The following SOX6 variants were observed in gnomAD, a reference collection of about 807,000 sequenced individuals.
The protein encoded by SOX6 is SRY-box transcription factor 6, also known as transcription factor SOX-6.
Under a neutral mutation model 97.8 loss-of-function variants are expected in SOX6, and 11 were observed. The observed-to-expected ratio is 0.11, with a 90% CI of 0.07 to 0.19. SOX6 has a LOEUF of 0.19. Among genes scored for constraint, SOX6 ranks in the 10% least tolerant of loss-of-function variants. The pLI, the probability that SOX6 is intolerant of heterozygous loss-of-function variation, is 1.00. For missense variants in SOX6, 810 were observed against 1,039.5 expected (o/e 0.78, Z 3.04); for synonymous variants, 360 against 371.4 (o/e 0.97, Z 0.35).
chr11:16,260,044 G>T (rs1037975445), intron 3 of SOX6, among the ~76,000 whole-genome samples: 24 of 151,652 alleles, frequency 1.6e-4, no homozygotes, highest in Admixed American at 1.5e-3. Flanking sequence ...CTGTCATCCA[G>T]CTTGGAGTGC....
At chr11:16,482,007 T>C (rs928779831) in intron 4 of SOX6, among the ~76,000 whole-genome samples, 19 of 152,308 alleles carry the variant, frequency 1.2e-4, no homozygotes, top group African/African-American at 4.1e-4. Context: ...ATCTCTCAAA[T>C]GTCTGGTTTA....
At chr11:16,463,699 T>C (rs1410646006) in intron 1 of SOX6, among the ~76,000 whole-genome samples, 2 of 152,196 alleles carry the variant, frequency 1.3e-5, no homozygotes, top group Non-Finnish European at 2.9e-5. Flanking sequence ...GTTGGAGCAC[T>C]GTTAGGTACT....
At chr11:16,506,654 G>T (rs753991106) in intron 4 of SOX6, among the ~76,000 whole-genome samples, 1 of 152,164 alleles carries the variant, frequency 6.6e-6, no homozygotes, top group African/African-American at 2.4e-5. Flanking sequence ...ATCTCATGTC[G>T]AATTGTACTC....
At chr11:16,517,593 G>A (rs1478542602) in intron 4 of SOX6, among the ~76,000 whole-genome samples, 1 of 152,106 alleles carries the variant, frequency 6.6e-6, no homozygotes, top group South Asian at 2.1e-4. Context: ...TAGCAATGCA[G>A]TTTCAATACT....
chr11:16,163,187 T>A (rs1317961235), intron 6 of SOX6, among the ~76,000 whole-genome samples: 1 of 152,124 alleles, frequency 6.6e-6, no homozygotes, highest in African/African-American at 2.4e-5. Context: ...GTAAGACAAG[T>A]CTCATTTAAT....
intron 1 of SOX6, among the ~76,000 whole-genome samples, chr11:16,417,289 T>C (rs1858943641): frequency 6.6e-6 from 1 of 152,168 alleles, no homozygotes; most frequent in Admixed American, 6.5e-5. Flanking sequence ...ATCCTATCAA[T>C]GGACAGCATA....
At chr11:16,381,335 GCC>G (rs1857812828) in intron 1 of SOX6, among the ~76,000 whole-genome samples, 1 of 151,948 alleles carries the variant, frequency 6.6e-6, no homozygotes, top group Non-Finnish European at 1.5e-5. Flanking sequence ...CTAGCCTCAA[GCC>G]TAACTAATCA....
At chr11:16,475,765 A>AT (rs1438723904) in intron 1 of SOX6, among the ~76,000 whole-genome samples, 7 of 152,230 alleles carry the variant, frequency 4.6e-5, no homozygotes, top group Non-Finnish European at 8.8e-5. Flanking sequence ...GACTTGCCCA[A>AT]TGCAGGGTTG....
Position 16,028,157 on chromosome 11 carries a change from T to C in SOX6, c.1624-13107A>G, listed in dbSNP as rs78501627. Among the ~76,000 whole-genome samples the C allele has an allele frequency of 7.2e-3, 1,104 of 152,332 alleles. 17 individuals carry two copies. The highest frequency in any genetic ancestry group is 0.025 in the African/African-American group (1,022 of 41,590). The stretch of plus-strand genomic sequence containing the variant: ...ATTTTGTACACAGCCTGCTAATTAA[T>C]GTAGCAGATAATATTTTATTGGGAA... On this transcript the variant is annotated intron_variant, in intron 12 of 15. Transcript: ENST00000683767.
At chr11:16,186,258 A>G (rs1432659293) in intron 5 of SOX6, among the ~76,000 whole-genome samples, 1 of 152,178 alleles carries the variant, frequency 6.6e-6, no homozygotes, top group African/African-American at 2.4e-5. Flanking sequence ...AACTTTCACA[A>G]GTAAAAGGAG....
chr11:16,177,621 ATCTCTC>A (rs71044087), intron 6 of SOX6, among the ~76,000 whole-genome samples: 94 of 145,754 alleles, frequency 6.4e-4, no homozygotes, highest in East Asian at 1.4e-3. Context: ...GAATAAGATG[ATCTCTC>A]TCTCTCTCTC....
intron 4 of SOX6, among the ~76,000 whole-genome samples, chr11:16,228,528 AT>A (rs200615650): frequency 0.015 from 2,357 of 152,196 alleles, 44 homozygotes; most frequent in Non-Finnish European, 0.023. Context: ...GAATAGGGAG[AT>A]GTAGGTCAAA....
intron 9 of SOX6, among the ~76,000 whole-genome samples, chr11:16,086,345 C>T (rs186833001): frequency 2.0e-5 from 3 of 152,274 alleles, no homozygotes; most frequent in East Asian, 1.9e-4. Flanking sequence ...AAGAAAGCAG[C>T]CAGGCGATAA....
At chr11:15,974,378 C>CTTTTTTTTTTTTTTTTT (rs35597667) in intron 15 of SOX6, among the ~76,000 whole-genome samples, 42 of 85,688 alleles carry the variant, frequency 4.9e-4, no homozygotes, top group Non-Finnish European at 6.3e-4. Flanking sequence ...TTAGCTCTCT[C>CTTTTTTTTTTTTTTTTT]TTTTTTTTTT....
At chr11:16,225,886 C>A (rs778339926) in intron 4 of SOX6, among the ~76,000 whole-genome samples, 1 of 152,118 alleles carries the variant, frequency 6.6e-6, no homozygotes, top group Non-Finnish European at 1.5e-5. Flanking sequence ...AGTATTTGCA[C>A]CAAACCCAAC....
intron 9 of SOX6, among the ~76,000 whole-genome samples, chr11:16,067,430 G>A (rs541058097): frequency 3.9e-5 from 6 of 152,046 alleles, no homozygotes; most frequent in Non-Finnish European, 8.8e-5. Flanking sequence ...TTTATAAAGA[G>A]CGGTTCCCCT....
chr11:16,389,969 TAAAAAAAAAAAAAAA>T (rs536056301), intron 1 of SOX6, among the ~76,000 whole-genome samples: 2 of 41,856 alleles, frequency 4.8e-5, no homozygotes, highest in South Asian at 3.7e-3. Context: ...GACTCCGTCT[TAAAAAAAAAAAAAAA>T]AAAAAAAAAA....
At chr11:16,677,720 T>G (rs541132558) in intron 3 of SOX6, among the ~76,000 whole-genome samples, 10 of 152,324 alleles carry the variant, frequency 6.6e-5, no homozygotes, top group Middle Eastern at 3.4e-3. Flanking sequence ...GTCAGAGTAA[T>G]GCTAGCCTCA....
chr11:16,597,648 T>C (rs1261747523), intron 4 of SOX6, among the ~76,000 whole-genome samples: 1 of 151,982 alleles, frequency 6.6e-6, no homozygotes, highest in Non-Finnish European at 1.5e-5. Flanking sequence ...ATGGGTATAT[T>C]TGACAAAAAG....
Sources: gnomAD v4.1 joint callset for allele counts (sites outside exome capture counted in the v4.1 genomes callset) on GRCh38, gnomAD v4.1.1 for gene constraint, MANE v1.5 for transcripts, NCBI Gene and HGNC (gene_info 2026-07-23, HGNC 2026-07-21) for gene names.